Variants in HECTD2 observed in about 807,000 individuals in gnomAD.
HECTD2 encodes HECT domain E3 ubiquitin protein ligase 2, also known as probable E3 ubiquitin-protein ligase HECTD2.
A neutral mutation model predicts 103.2 loss-of-function variants in HECTD2; 35 were observed. That is an observed-to-expected ratio of 0.34 (90% CI 0.26 to 0.45). The LOEUF is 0.45. HECTD2 is among the 20% of genes least tolerant of loss of function. The pLI is 1.00. For missense variants in HECTD2, 596 were observed against 937.4 expected, an observed-to-expected ratio of 0.64 and a Z score of 4.76; for synonymous variants, 281 against 329.9, an observed-to-expected ratio of 0.85 and a Z score of 1.61.
In HECTD2 at chr10:91,512,697, C is replaced by A; in HGVS notation, c.*313C>A. The A allele has an allele frequency of 3.9e-6, 1 of 257,574 alleles. No homozygotes were observed. The highest frequency in any genetic ancestry group is 7.5e-6 in the Non-Finnish European group (1 of 132,560). 16.0% of individuals were successfully genotyped at this position (257,574 alleles called of 1,614,324 possible). On this transcript the variant is annotated 3_prime_UTR_variant, in exon 21 of 21. Coordinates refer to ENST00000298068, the MANE Select transcript of HECTD2 (RefSeq NM_182765.6). ...GGCATTCCACTGGGAAAGCAAAGTA[C>A]AGTGAAGAATGAATTTATGGTATAG...
chr10:91,434,446 A>G (rs962080463), intron 2 of HECTD2, among the ~76,000 whole-genome samples: 5 of 152,060 alleles, frequency 3.3e-5, no homozygotes, highest in Admixed American at 1.3e-4. Flanking sequence ...GTAACCACCA[A>G]TGTGACCTTA....
chr10:91,485,513 G>T, intron 10 of HECTD2: 1 of 413,574 alleles, frequency 2.4e-6, no homozygotes, highest in Non-Finnish European at 4.2e-6. Context: ...GTTTTGGTTT[G>T]GTTAATAGCA....
chr10:91,509,025 C>CA (rs1321723805), intron 20 of HECTD2, among the ~76,000 whole-genome samples: 1 of 149,432 alleles, frequency 6.7e-6, no homozygotes, highest in Non-Finnish European at 1.5e-5. Context: ...ATCGCAATAA[C>CA]AAAAAACCAA....
intron 2 of HECTD2, among the ~76,000 whole-genome samples, chr10:91,438,255 C>T (rs185366815): frequency 1.3e-5 from 2 of 152,236 alleles, no homozygotes; most frequent in East Asian, 3.9e-4. Context: ...CTGACAGGTC[C>T]TGGTGTGTGA....
intron 1 of HECTD2, among the ~76,000 whole-genome samples, chr10:91,412,550 G>A (rs1842961409): frequency 6.6e-6 from 1 of 150,556 alleles, no homozygotes; most frequent in Admixed American, 6.6e-5. Context: ...TGCCTCTCGT[G>A]TTCAAGCCAT....
chr10:91,505,762 A>G (rs1303726024), intron 20 of HECTD2, among the ~76,000 whole-genome samples: 2 of 152,156 alleles, frequency 1.3e-5, no homozygotes, highest in Non-Finnish European at 2.9e-5. Flanking sequence ...TCAGCTCCAC[A>G]CCAAGCAGAC....
chr10:91,505,910 T>C (rs1847143270), intron 20 of HECTD2, among the ~76,000 whole-genome samples: 1 of 152,060 alleles, frequency 6.6e-6, no homozygotes, highest in Non-Finnish European at 1.5e-5. Context: ...GAACAGACAC[T>C]ATAACAAACT....
chr10:91,454,710 C>T (rs553087720), intron 2 of HECTD2, among the ~76,000 whole-genome samples: 4 of 152,030 alleles, frequency 2.6e-5, no homozygotes, highest in Non-Finnish European at 4.4e-5. Flanking sequence ...CTAATGCTAT[C>T]GCTCCCCCCT....
Position 91,492,400 on chromosome 10 carries a change from G to C in HECTD2, c.1348G>C (p.Val450Leu). 2 of 1,613,322 alleles carry C rather than the reference G, an allele frequency of 1.2e-6. No individual in the cohort carries two copies. Among genetic ancestry groups the C allele is most frequent in the East Asian group, 4.5e-5 (2 of 44,804 alleles). ...GAAAAAGAAGTTAAAAGTTACATTT[G>C]TAGGGGAAGCTGGTTTGGATATGGG... Reference protein sequence around the residue: ...DLKKKLKVTFVGEAGLDMGGL... With the variant: ...DLKKKLKVTFLGEAGLDMGGL... Residue 450 changes from valine (V) to leucine (L), a missense_variant, in exon 13 of 21, where the codon GTA (valine) becomes CTA (leucine). Physicochemically the swap from Val to Leu is conservative, Grantham distance 32. Around this residue, in one of 4 missense-constraint regions of HECTD2, gnomAD observed 303 missense variants for 522.5 expected, o/e 0.58. Transcript: ENST00000298068.
At chr10:91,425,163 T>G in intron 1 of HECTD2, 118 bp from the exon 2 acceptor site, 1 of 799,792 alleles carries the variant, frequency 1.3e-6, no homozygotes, top group Non-Finnish European at 1.8e-6. Flanking sequence ...ATATACGTTT[T>G]TATCTATTAT....
intron 15 of HECTD2, 66 bp downstream of exon 15, chr10:91,496,438 CT>C (rs1325573442): frequency 6.9e-6 from 7 of 1,014,508 alleles, no homozygotes; most frequent in African/African-American, 5.8e-5. Flanking sequence ...CCTGCACAGT[CT>C]CTCCTCCTAA....
chr10:91,497,572 G>A (rs933376108), intron 15 of HECTD2, among the ~76,000 whole-genome samples: 1 of 147,740 alleles, frequency 6.8e-6, no homozygotes, highest in Non-Finnish European at 1.5e-5. Context: ...GCCTCCCAGA[G>A]TGCTGGGATT....
At chr10:91,508,107 A>G (rs1847268244) in intron 20 of HECTD2, among the ~76,000 whole-genome samples, 1 of 99,020 alleles carries the variant, frequency 1.0e-5, no homozygotes, top group Non-Finnish European at 1.8e-5. Flanking sequence ...CTTACACCTT[A>G]TACAAAAATC....
At chr10:91,412,432 G>A (rs1205847736) in intron 1 of HECTD2, among the ~76,000 whole-genome samples, 1 of 150,808 alleles carries the variant, frequency 6.6e-6, no homozygotes, top group African/African-American at 2.5e-5. Context: ...AAGAGGATAA[G>A]GATAAATATA....
intron 2 of HECTD2, among the ~76,000 whole-genome samples, chr10:91,456,984 G>T (rs1845128110): frequency 2.0e-5 from 3 of 151,980 alleles, no homozygotes. Flanking sequence ...TATGATAAAT[G>T]AAATAGGAGA....
At chr10:91,468,195 T>G (rs767451846) in intron 5 of HECTD2, among the ~76,000 whole-genome samples, 1 of 152,132 alleles carries the variant, frequency 6.6e-6, no homozygotes. Flanking sequence ...TCAGCCCTTT[T>G]GGCACAGCAG....
At chr10:91,499,498 ACTT>A (rs1181591180) in intron 18 of HECTD2, among the ~76,000 whole-genome samples, 1 of 152,140 alleles carries the variant, frequency 6.6e-6, no homozygotes, top group African/African-American at 2.4e-5. Context: ...AAAAGTTACA[ACTT>A]CTTAATGATT....
chr10:91,416,862 C>T (rs1204884476), intron 1 of HECTD2, among the ~76,000 whole-genome samples: 3 of 152,070 alleles, frequency 2.0e-5, no homozygotes, highest in Non-Finnish European at 4.4e-5. Context: ...CCCACCACCC[C>T]ACCACTCCCC....
chr10:91,475,979 T>C (rs1845886878), intron 5 of HECTD2, among the ~76,000 whole-genome samples: 1 of 152,200 alleles, frequency 6.6e-6, no homozygotes, highest in African/African-American at 2.4e-5. Context: ...TGCTAGTGCT[T>C]TCTATTAGCT....
Sources: gnomAD v4.1 joint callset for allele counts (sites outside exome capture counted in the v4.1 genomes callset) on GRCh38, gnomAD v4.1.1 for gene constraint, gnomAD v4.1.1 regional missense constraint, MANE v1.5 for transcripts, NCBI Gene and HGNC (gene_info 2026-07-23, HGNC 2026-07-21) for gene names.